Variants in ZCCHC7 observed in about 807,000 individuals in gnomAD.
ZCCHC7 encodes the protein zinc finger CCHC-type containing 7.
In ZCCHC7, 35 loss-of-function variants were observed where a neutral mutation model predicts 52.0. The ratio of observed to expected loss-of-function variants is 0.67; its 90% CI spans 0.51 to 0.89. The LOEUF is 0.89. Ranked by LOEUF, ZCCHC7 falls within the 40% of genes least tolerant of loss-of-function variation. The probability of loss-of-function intolerance (pLI) is 0.00; values close to 1 mark genes in which losing one functional copy is unlikely to be tolerated. For missense variants in ZCCHC7, 574 were observed against 649.1 expected (o/e 0.88, Z 1.26); for synonymous variants, 217 against 221.5 (o/e 0.98, Z 0.18).
chr9:37,337,393 A>ACCC (rs1830724816), intron 6 of ZCCHC7, among the ~76,000 whole-genome samples: 26 of 15,056 alleles, frequency 1.7e-3, no homozygotes, highest in African/African-American at 2.6e-3. Context: ...ACCCCACCCT[A>ACCC]CCCACCCACC....
intron 6 of ZCCHC7, among the ~76,000 whole-genome samples, chr9:37,333,543 A>T (rs560242552): frequency 6.6e-6 from 1 of 151,854 alleles, no homozygotes; most frequent in African/African-American, 2.4e-5. Flanking sequence ...GGAAAGAAGT[A>T]CTTGTTGTGG....
intron 2 of ZCCHC7, among the ~76,000 whole-genome samples, chr9:37,223,087 A>G (rs1824910770): frequency 1.3e-5 from 2 of 152,310 alleles, no homozygotes; most frequent in East Asian, 1.9e-4. Flanking sequence ...ATAGTTACCA[A>G]AAGTCTTAAA....
chr9:37,300,620 G>A (rs1456111837), intron 2 of ZCCHC7, among the ~76,000 whole-genome samples: 1 of 152,098 alleles, frequency 6.6e-6, no homozygotes, highest in African/African-American at 2.4e-5. Flanking sequence ...CTTACTCCTG[G>A]TAGGCCTGGG....
Position 37,217,891 on chromosome 9 carries a change from A to C in ZCCHC7, c.611-84297A>C, listed in dbSNP as rs539000655. Among the ~76,000 whole-genome samples, 56 of 152,274 alleles carry C rather than the reference A, an allele frequency of 3.7e-4. No homozygotes were observed. The South Asian group carries it at 0.012, about 32-fold the overall frequency. On this transcript the variant is annotated intron_variant, in intron 2 of 8. Coordinates refer to ENST00000336755, the MANE Select transcript of ZCCHC7 (RefSeq NM_032226.3). ...GCCAGTTTTCTCTTCAGTAATGATG[A>C]TCTTGAATGAATATTCTGTTTGGAA...
intron 2 of ZCCHC7, among the ~76,000 whole-genome samples, 177 bp from the exon 3 acceptor site, chr9:37,302,011 G>T (rs573530416): frequency 6.6e-6 from 1 of 152,296 alleles, no homozygotes; most frequent in East Asian, 1.9e-4. Flanking sequence ...GAGAGGTTAA[G>T]TATTTGTCCA....
intron 2 of ZCCHC7, among the ~76,000 whole-genome samples, chr9:37,129,007 A>G (rs1354460217): frequency 2.0e-5 from 3 of 152,092 alleles, no homozygotes; most frequent in African/African-American, 4.8e-5. Context: ...CTCCTTAACC[A>G]TTTTGTTGAT....
chr9:37,154,204 T>A lies in ZCCHC7; in HGVS notation c.610+27262T>A, dbSNP rs192739001. Among the ~76,000 whole-genome samples, 243 of 152,284 alleles carry A rather than the reference T, an allele frequency of 1.6e-3. 1 individual carries two copies. The highest frequency in any genetic ancestry group is 5.6e-3 in the African/African-American group (233 of 41,562). ...CCGCCTGGCTCTTTGGGGATCTTGA[T>A]TACTCTTGAGAGTGGAGGGGTGTCA... On this transcript the variant is annotated intron_variant, in intron 2 of 8. Transcript: ENST00000336755.
intron 2 of ZCCHC7, among the ~76,000 whole-genome samples, chr9:37,180,398 A>AT (rs1291292122): frequency 2.0e-5 from 3 of 152,030 alleles, no homozygotes; most frequent in Admixed American, 2.0e-4. Context: ...AAAAAAATAG[A>AT]TTCAGAAAAT....
chr9:37,205,155 G>T, intron 2 of ZCCHC7: 1 of 318,566 alleles, frequency 3.1e-6, no homozygotes, highest in Non-Finnish European at 6.1e-6. Context: ...AATTCTCTTG[G>T]CAAGAATCTT....
intron 2 of ZCCHC7, among the ~76,000 whole-genome samples, chr9:37,282,485 G>T (rs1373529425): frequency 6.6e-6 from 1 of 150,948 alleles, no homozygotes; most frequent in Admixed American, 6.6e-5. Flanking sequence ...GGTGCCTGTA[G>T]TCCCAGCTAC....
intron 6 of ZCCHC7, among the ~76,000 whole-genome samples, chr9:37,345,085 C>T (rs78568959): frequency 0.051 from 7,770 of 152,252 alleles, 647 homozygotes; most frequent in African/African-American, 0.18. Flanking sequence ...CTCTACCCCT[C>T]GAAAGAAACT....
At chr9:37,166,289 G>A (rs200894765) in intron 2 of ZCCHC7, among the ~76,000 whole-genome samples, 2 of 152,038 alleles carry the variant, frequency 1.3e-5, no homozygotes, top group African/African-American at 2.4e-5. Context: ...CCAGGTACTC[G>A]GGAGGCTGAG....
chr9:37,138,475 A>C (rs1458223577), intron 2 of ZCCHC7, among the ~76,000 whole-genome samples: 3 of 152,090 alleles, frequency 2.0e-5, no homozygotes, highest in African/African-American at 7.2e-5. Context: ...TTTTAATCTA[A>C]ATTCATTTAC....
intron 2 of ZCCHC7, among the ~76,000 whole-genome samples, chr9:37,135,061 C>G (rs1490309047): frequency 6.6e-6 from 1 of 152,136 alleles, no homozygotes; most frequent in African/African-American, 2.4e-5. Context: ...ACTATCTACT[C>G]TTTTCTCTAA....
chr9:37,256,843 G>T (rs1203366593), intron 2 of ZCCHC7, among the ~76,000 whole-genome samples: 1 of 152,130 alleles, frequency 6.6e-6, no homozygotes, highest in Non-Finnish European at 1.5e-5. Context: ...GTTTCCATAG[G>T]TATGGTAAAA....
At chr9:37,327,741 A>G (rs1830306575) in intron 5 of ZCCHC7, 58 bp from the exon 6 acceptor site, 5 of 1,602,568 alleles carry the variant, frequency 3.1e-6, no homozygotes, top group African/African-American at 1.3e-5. Context: ...GCCAAAACCA[A>G]CAGGCTGTAA....
chr9:37,201,136 A>G (rs975893445), intron 2 of ZCCHC7, among the ~76,000 whole-genome samples: 4 of 152,150 alleles, frequency 2.6e-5, no homozygotes, highest in Non-Finnish European at 2.9e-5. Flanking sequence ...AGTTTAATTT[A>G]TTTATTTTAT....
At chr9:37,265,791 G>A (rs923799419) in intron 2 of ZCCHC7, among the ~76,000 whole-genome samples, 2 of 152,086 alleles carry the variant, frequency 1.3e-5, no homozygotes, top group East Asian at 3.9e-4. Context: ...ATTGAGGATA[G>A]TGTGTTTAGC....
intron 2 of ZCCHC7, among the ~76,000 whole-genome samples, chr9:37,184,232 G>A (rs1822525302): frequency 6.6e-6 from 1 of 152,142 alleles, no homozygotes. Context: ...AACGTAATAT[G>A]TGTATGTTGT....
Sources: gnomAD v4.1 joint callset for allele counts (sites outside exome capture counted in the v4.1 genomes callset) on GRCh38, gnomAD v4.1.1 for gene constraint, MANE v1.5 for transcripts, NCBI Gene and HGNC (gene_info 2026-07-23, HGNC 2026-07-21) for gene names.